The following SDR39U1 variants were observed in gnomAD, a reference collection of about 807,000 sequenced individuals.
The protein encoded by SDR39U1 is epimerase family protein SDR39U1.
A neutral mutation model predicts 31.7 loss-of-function variants in SDR39U1; 29 were observed. That is an observed-to-expected ratio of 0.92 (90% confidence interval 0.68 to 1.25). The LOEUF is 1.25. Ranked by LOEUF, SDR39U1 falls within the 50% of genes most tolerant of loss-of-function variation. The probability of loss-of-function intolerance (pLI) is 0.00; values close to 1 mark genes in which losing one functional copy is unlikely to be tolerated. For synonymous variants in SDR39U1, 147 were observed against 159.0 expected (o/e 0.92, Z 0.57); for missense variants, 403 against 378.4 (o/e 1.06, Z -0.54).
intron 5 of SDR39U1, 31 bp from the exon 6 acceptor site, chr14:24,440,523 T>A (rs571435042): frequency 8.3e-5 from 131 of 1,577,948 alleles, no homozygotes; most frequent in Non-Finnish European, 1.1e-4. Context: ...GGTACAGGGG[T>A]CCTCTCAGCC....
Position 24,440,873 on chromosome 14 carries a change from C to A in SDR39U1, c.382G>T (p.Asp128Tyr). 1 of 1,614,016 alleles carries A rather than the reference C, an allele frequency of 6.2e-7. No homozygotes were observed. The highest frequency in any genetic ancestry group is 8.5e-7 in the Non-Finnish European group (1 of 1,179,882). ...ACGAGGTTGGAGAAAAAGTCAAAGTCCCCTCCTGGGCTGTCTTCATCATAC... is the reference window on the plus strand; with the variant it reads ...ACGAGGTTGGAGAAAAAGTCAAAGTACCCTCCTGGGCTGTCTTCATCATAC... Reference protein sequence around the residue: ...AEYDEDSPGGDFDFFSNLVTK... With the variant: ...AEYDEDSPGGYFDFFSNLVTK... Residue 128 changes from aspartate to tyrosine, a missense_variant, in exon 5 of 6, where the codon GAC becomes TAC. Physicochemically the swap from Asp to Tyr is radical, Grantham distance 160 (BLOSUM62 -3). Transcript: ENST00000399395.
At chr14:24,442,504 G>T in intron 1 of SDR39U1, 52 bp from the exon 2 acceptor site, 1 of 1,508,326 alleles carries the variant, frequency 6.6e-7, no homozygotes. Context: ...GGGTGGGGGC[G>T]CCTTCCGTCC....
chr14:24,441,996 C>T, intron 3 of SDR39U1, 182 bp downstream of exon 3: 1 of 1,433,386 alleles, frequency 7.0e-7, no homozygotes, highest in East Asian at 2.5e-5. Flanking sequence ...AGGACTTAAG[C>T]CAATTGGCTG....
chr14:24,442,826 C>T (rs144981798), upstream of SDR39U1: 2,745 of 1,587,228 alleles, frequency 1.7e-3, 29 homozygotes, highest in East Asian at 0.022. Flanking sequence ...ACCTCAGACG[C>T]GACTACGACC....
rs1329661242 is a variant in SDR39U1 at position 24,440,279 on chromosome 14, G to A, written c.686C>T (p.Ala229Val). The A allele has an allele frequency of 6.2e-7, 1 of 1,614,016 alleles. No individual in the cohort carries two copies. The highest frequency in any genetic ancestry group is 2.2e-5 in the East Asian group (1 of 44,880). ...GCCCAGGGCAGCACCCAAGGTCTGGGCAAACTCAGCATTAGTGGCGGAGGA... is the reference window on the plus strand; with the variant it reads ...GCCCAGGGCAGCACCCAAGGTCTGGACAAACTCAGCATTAGTGGCGGAGGA... ...APSSATNAEF[A>V]QTLGAALGRR... The change falls in exon 6 of 6, where the codon GCC becomes GTC. Residue 229 changes from alanine to valine, a missense_variant. By Grantham distance (64) the Ala-to-Val change is moderately conservative. Transcript: ENST00000399395.
In SDR39U1 at chr14:24,440,087, G is replaced by A. The variant is rs1274670044; in HGVS notation, c.878C>T (p.Ala293Val). ...ELGAALKEIVA is the reference protein window; with the variant it reads ...ELGAALKEIVV ...CAGGCCCTTGCCACGACCTACTTAG[G>A]CTACAATTTCCTTTAAGGCAGCCCC... Residue 293 changes from alanine (A) to valine (V), a missense_variant, in exon 6 of 6, where the codon GCC (alanine) becomes GTC (valine). Physicochemically the swap from Ala to Val is moderately conservative, Grantham distance 64. Coordinates refer to ENST00000399395, the MANE Select transcript of SDR39U1 (RefSeq NM_020195.3). The A allele has an allele frequency of 6.3e-7, 1 of 1,594,756 alleles. No individual in the cohort carries two copies. The highest frequency in any genetic ancestry group is 1.1e-5 in the South Asian group (1 of 89,066).
chr14:24,441,654 T>C lies in SDR39U1; in HGVS notation c.328+20A>G, dbSNP rs768050771. 6 of 1,566,370 alleles carry C rather than the reference T, an allele frequency of 3.8e-6. No individual in the cohort carries two copies. In the Admixed American group the frequency reaches 1.1e-4, roughly 28 times the overall value. On this transcript the variant is annotated intron_variant, in intron 4 of 5. Coordinates refer to ENST00000399395, the MANE Select transcript of SDR39U1 (RefSeq NM_020195.3). ...CGTTCCCCTGGCGAATATAAGGGGC[T>C]GGTGATTTGGGGGGCGTACCTACAC...
In SDR39U1 at chr14:24,440,499, C is replaced by T; in HGVS notation, c.473-7G>A. ...CCACGGCCCAGCACAACCCCTAGAG[C>T]AGGAAAGAGGGAAGGTACAGGGGTC... On this transcript the variant is annotated splice_region_variant and splice_polypyrimidine_tract_variant and intron_variant, in intron 5 of 5. Coordinates refer to ENST00000399395, the MANE Select transcript of SDR39U1 (RefSeq NM_020195.3). 1 of 1,597,980 alleles carries T rather than the reference C, an allele frequency of 6.3e-7. No individual in the cohort carries two copies.
chr14:24,442,710 C>G, intron 1 of SDR39U1, 44 bp downstream of exon 1: 1 of 1,612,834 alleles, frequency 6.2e-7, no homozygotes, highest in Non-Finnish European at 8.5e-7. Context: ...TCCTCAATCT[C>G]CGACTAAGCC....
Position 24,442,225 on chromosome 14 carries a change from A to C in SDR39U1, c.159T>G (p.Asp53Glu), listed in dbSNP as rs1409080314. ...TCTCTCCGGCCAGGTTGACGGCGGC[A>C]TCGCAGCTCGGCAGCCCCGATGCAG... Reference protein sequence around the residue: ...ELAASGLPSCDAAVNLAGENI... With the variant: ...ELAASGLPSCEAAVNLAGENI... The change falls in exon 3 of 6, where the codon GAT (aspartate) becomes GAG (glutamate). Residue 53 changes from aspartate (D) to glutamate (E), a missense_variant. Asp to Glu is a conservative substitution (Grantham distance 45). Transcript: ENST00000399395. The C allele has an allele frequency of 6.2e-7, 1 of 1,612,316 alleles. No individual in the cohort carries two copies.
intron 4 of SDR39U1, chr14:24,441,203 C>T (rs2043328699): frequency 7.6e-6 from 4 of 529,646 alleles, no homozygotes; most frequent in Non-Finnish European, 1.4e-5. Context: ...TCAGCTCCCT[C>T]ATTTATTAAC....
At chr14:24,442,078 G>C (rs775075275) in intron 3 of SDR39U1, 100 bp downstream of exon 3, 4 of 1,550,916 alleles carry the variant, frequency 2.6e-6, no homozygotes, top group African/African-American at 2.7e-5. Context: ...GTTTAGTTCG[G>C]AATCTGGGAG....
Position 24,442,223 on chromosome 14 carries a change from G to T in SDR39U1, c.161C>A (p.Ala54Asp). The T allele has an allele frequency of 6.2e-7, 1 of 1,611,926 alleles. No individual in the cohort carries two copies. Among genetic ancestry groups the T allele is most frequent in the African/African-American group, 1.3e-5 (1 of 74,922 alleles). ...GTTCTCTCCGGCCAGGTTGACGGCG[G>T]CATCGCAGCTCGGCAGCCCCGATGC... ...LAASGLPSCD[A>D]AVNLAGENIL... is the part of the protein sequence containing the mutation. The change falls in exon 3 of 6, where the codon GCC becomes GAC. Residue 54 changes from alanine (A) to aspartate (D), a missense_variant. Transcript: ENST00000399395.
intron 4 of SDR39U1, 188 bp from the exon 5 acceptor site, chr14:24,441,114 G>T (rs932791290): frequency 3.4e-6 from 2 of 580,740 alleles, no homozygotes; most frequent in South Asian, 3.5e-5. Context: ...AGGAACTCTG[G>T]TTGCAGGGCT....
upstream of SDR39U1, chr14:24,442,807 G>A (rs2043394724): frequency 6.2e-7 from 1 of 1,612,750 alleles, no homozygotes; most frequent in Non-Finnish European, 8.5e-7. Flanking sequence ...AAAGTTTAGA[G>A]TTTACCTCAC....
intron 4 of SDR39U1, 70 bp from the exon 5 acceptor site, chr14:24,440,996 C>G: frequency 6.5e-7 from 1 of 1,538,528 alleles, no homozygotes; most frequent in Non-Finnish European, 9.0e-7. Context: ...GTGGAGGCTC[C>G]CCTTGGCCTC....
At chr14:24,441,998 A>G in intron 3 of SDR39U1, 180 bp downstream of exon 3, 1 of 1,443,424 alleles carries the variant, frequency 6.9e-7, no homozygotes, top group South Asian at 1.2e-5. Flanking sequence ...GACTTAAGCC[A>G]ATTGGCTGAC....
chr14:24,441,611 CAG>C, intron 4 of SDR39U1, 61 bp downstream of exon 4: 7 of 1,411,102 alleles, frequency 5.0e-6, no homozygotes, highest in Middle Eastern at 2.5e-4. Flanking sequence ...TGCATAGCTA[CAG>C]AGGTCTGAGT....
chr14:24,440,947 T>G (rs1566506996), intron 4 of SDR39U1, 21 bp from the exon 5 acceptor site: 1 of 1,613,928 alleles, frequency 6.2e-7, no homozygotes, highest in Admixed American at 1.7e-5. Flanking sequence ...AACACAATCA[T>G]TTGCCCTGGG....
Sources: allele counts gnomAD v4.1 joint callset, GRCh38; gene constraint gnomAD v4.1.1; transcripts MANE v1.5; gene names NCBI Gene and HGNC (gene_info 2026-07-23, HGNC 2026-07-21).